The following NUFIP1 variants were observed in gnomAD, a reference collection of about 807,000 sequenced individuals.
NUFIP1 encodes FMR1-interacting protein NUFIP1.
A neutral mutation model predicts 56.2 loss-of-function variants in NUFIP1; 38 were observed. That is an observed-to-expected ratio of 0.68 (90% CI 0.52 to 0.89). The LOEUF (loss-of-function observed/expected upper bound fraction) is 0.89. Ranked by LOEUF, NUFIP1 falls within the 40% of genes least tolerant of loss-of-function variation. The pLI, the probability that NUFIP1 is intolerant of heterozygous loss-of-function variation, is 0.00. For missense variants in NUFIP1, 567 were observed against 605.8 expected, an observed-to-expected ratio of 0.94 and a Z score of 0.67; for synonymous variants, 215 against 212.4, an observed-to-expected ratio of 1.01 and a Z score of -0.10.
Position 44,940,663 on chromosome 13 carries a change from A to G in NUFIP1, c.*543T>C, listed in dbSNP as rs1870701139. 1 of 152,268 alleles carries G rather than the reference A, an allele frequency of 6.6e-6. No homozygotes were observed. The highest frequency in any genetic ancestry group is 1.5e-5 in the Non-Finnish European group (1 of 68,060). The allele number at this position is 152,268 out of a possible 1,614,324, so 9.4% of individuals were successfully genotyped here. A position where few individuals can be genotyped will look rare whatever the true frequency, so the allele number is the denominator to read the frequency against. On this transcript the variant is annotated 3_prime_UTR_variant, in exon 10 of 10. Transcript: ENST00000379161. ...ATTTTAAACATTCAATATTTGAGCT[A>G]TGTAAGTCGTGCTAGTAGGTGAATT... is the stretch of plus-strand genomic sequence containing the variant.
At chr13:44,979,111 G>A in intron 5 of NUFIP1, 79 bp downstream of exon 5, 2 of 1,121,184 alleles carry the variant, frequency 1.8e-6, no homozygotes, top group African/African-American at 1.6e-5. Context: ...ACATTCTAAG[G>A]GAATTCAATG....
At chr13:44,981,993 A>G (rs564440865) in intron 2 of NUFIP1, 79 bp downstream of exon 2, 1 of 671,676 alleles carries the variant, frequency 1.5e-6, no homozygotes, top group African/African-American at 1.8e-5. Context: ...AACACTGAAG[A>G]CAGTTATGAC....
At chr13:44,952,907 T>C (rs1006929591) in intron 7 of NUFIP1, among the ~76,000 whole-genome samples, 4 of 152,252 alleles carry the variant, frequency 2.6e-5, no homozygotes, top group Non-Finnish European at 5.9e-5. Flanking sequence ...ACTTGATACT[T>C]TGAAGATTAT....
chr13:44,958,176 G>A (rs1871307997), intron 7 of NUFIP1, among the ~76,000 whole-genome samples: 1 of 152,122 alleles, frequency 6.6e-6, no homozygotes, highest in South Asian at 2.1e-4. Flanking sequence ...GTGTACTGGT[G>A]GAGTGAGACT....
intron 6 of NUFIP1, among the ~76,000 whole-genome samples, chr13:44,964,351 CA>C (rs548306632): frequency 6.6e-6 from 1 of 152,130 alleles, no homozygotes; most frequent in East Asian, 1.9e-4. Context: ...CTGAAATAAC[CA>C]AAAAACTAGC....
rs1265742184 is a variant in NUFIP1, at chr13:44,949,699, TA to T, written c.1138+22del. On this transcript the variant is annotated intron_variant, in intron 8 of 9. Coordinates refer to ENST00000379161, the MANE Select transcript of NUFIP1 (RefSeq NM_012345.3). ...CAAAAAGCAACAAAACAAAACCCTG[TA>T]ACAACACACACCATGACTTACCTTC... 6 of 1,481,764 alleles carry T rather than the reference TA, an allele frequency of 4.0e-6. No homozygotes were observed. In the Admixed American group the frequency reaches 1.0e-4, roughly 25 times the overall value. 91.8% of individuals were successfully genotyped at this position (1,481,764 alleles called of 1,614,324 possible). A position where few individuals can be genotyped will look rare whatever the true frequency, so the allele number is the denominator to read the frequency against.
At chr13:44,973,568 A>G (rs924866103) in intron 5 of NUFIP1, among the ~76,000 whole-genome samples, 1 of 152,232 alleles carries the variant, frequency 6.6e-6, no homozygotes, top group Non-Finnish European at 1.5e-5. Flanking sequence ...GCAGCCAGGT[A>G]AAAGTTGGTT....
chr13:44,977,922 G>A (rs1240475953), intron 5 of NUFIP1, among the ~76,000 whole-genome samples: 9 of 152,098 alleles, frequency 5.9e-5, no homozygotes, highest in African/African-American at 2.2e-4. Context: ...GGGGGTGCAC[G>A]CCTGTTATCC....
chr13:44,983,603 C>T (rs1366175732), intron 1 of NUFIP1, among the ~76,000 whole-genome samples: 1 of 152,116 alleles, frequency 6.6e-6, no homozygotes, highest in Non-Finnish European at 1.5e-5. Flanking sequence ...TTGAGATCAG[C>T]CTGAGCAGCC....
chr13:44,958,884 G>T (rs545582243), intron 7 of NUFIP1, among the ~76,000 whole-genome samples: 1 of 152,250 alleles, frequency 6.6e-6, no homozygotes, highest in East Asian at 1.9e-4. Context: ...ATGTTTTAGA[G>T]GAAATTCAAG....
rs569402801 is a variant in NUFIP1, at chr13:44,989,413, G to A, written c.24C>T (p.Phe8=). The A allele has an allele frequency of 1.9e-6, 3 of 1,613,528 alleles. No individual in the cohort carries two copies. The Admixed American group carries it at 5.0e-5, about 27-fold the overall frequency. MAEPTSD[F]ETPIGWHASP... is the part of the protein sequence containing the mutation. The stretch of plus-strand genomic sequence containing the variant: ...ACGCATGCCACCCGATAGGAGTCTC[G>A]AAATCACTAGTCGGCTCAGCCATAC... Residue 8 remains phenylalanine, a synonymous_variant, in exon 1 of 10, where the codon TTC becomes TTT. Coordinates refer to ENST00000379161, the MANE Select transcript of NUFIP1 (RefSeq NM_012345.3).
At chr13:44,948,412 G>C (rs2137893428) in intron 8 of NUFIP1, among the ~76,000 whole-genome samples, 1 of 152,208 alleles carries the variant, frequency 6.6e-6, no homozygotes, top group African/African-American at 2.4e-5. Flanking sequence ...AAAGTGTTGG[G>C]ATTACAGATG....
intron 9 of NUFIP1, 101 bp downstream of exon 9, chr13:44,943,341 C>A (rs1168980615): frequency 1.0e-5 from 10 of 1,001,222 alleles, no homozygotes; most frequent in African/African-American, 1.7e-5. Flanking sequence ...TCTCTGGTAA[C>A]CTTAAAACAA....
intron 7 of NUFIP1, among the ~76,000 whole-genome samples, chr13:44,951,392 ATT>A (rs1871079653): frequency 6.6e-6 from 1 of 152,190 alleles, no homozygotes; most frequent in African/African-American, 2.4e-5. Flanking sequence ...AATCCAGAGA[ATT>A]TGAGTAACCT....
In NUFIP1 at chr13:44,949,775, C is replaced by A; in HGVS notation, c.1085G>T (p.Cys362Phe). ...VIPKEVTPAL[C>F]SLMSSYGSLS... The stretch of plus-strand genomic sequence containing the variant: ...ACTGCCATAGCTACTCATTAGTGAG[C>A]ATAGGGCTGGTGTCACTTCCTTGGG... Residue 362 changes from cysteine (C) to phenylalanine (F), a missense_variant, in exon 8 of 10, where the codon TGC becomes TTC. By Grantham distance (205) the Cys-to-Phe change is radical. Transcript: ENST00000379161. The A allele has an allele frequency of 3.1e-6, 5 of 1,614,062 alleles. No individual in the cohort carries two copies. Among genetic ancestry groups the A allele is most frequent in the Non-Finnish European group, 4.2e-6 (5 of 1,179,976 alleles).
At position 44,959,565 on chromosome 13, in the gene NUFIP1, C is replaced by T; in HGVS notation, c.837G>A (p.Lys279=). Residue 279 remains lysine (K), a synonymous_variant, in exon 7 of 10, where the codon AAG becomes AAA. Coordinates refer to ENST00000379161, the MANE Select transcript of NUFIP1 (RefSeq NM_012345.3). ...VLTTTQYGKM[K]GMSRHSQMAK... is the part of the protein sequence containing the mutation. The stretch of plus-strand genomic sequence containing the variant: ...CCATTTGTGAATGTCTGGACATCCC[C>T]TTCATCTTGCTGGAGTAAGAAAATT... 1.2e-6 allele frequency: 2 copies of T among 1,604,966 alleles called. No individual in the cohort carries two copies. Among genetic ancestry groups the T allele is most frequent in the Non-Finnish European group, 1.7e-6 (2 of 1,177,018 alleles).
intron 1 of NUFIP1, among the ~76,000 whole-genome samples, chr13:44,986,045 T>C (rs1413851931): frequency 1.3e-5 from 2 of 152,124 alleles, no homozygotes; most frequent in African/African-American, 4.8e-5. Flanking sequence ...AGCCTCAAAC[T>C]CCTGGGCTCA....
chr13:44,974,476 C>A (rs762937251), intron 5 of NUFIP1, among the ~76,000 whole-genome samples: 5 of 152,150 alleles, frequency 3.3e-5, no homozygotes, highest in Admixed American at 6.5e-5. Flanking sequence ...AGGAGTATGT[C>A]CAACTTTAGA....
chr13:44,980,826 A>T lies in NUFIP1; in HGVS notation c.496-6T>A, dbSNP rs755500649. The T allele has an allele frequency of 7.0e-6, 11 of 1,574,646 alleles. No individual in the cohort carries two copies. Among genetic ancestry groups the T allele is most frequent in the Non-Finnish European group, 9.5e-6 (11 of 1,161,248 alleles). On this transcript the variant is annotated splice_region_variant and splice_polypyrimidine_tract_variant and intron_variant, in intron 2 of 9. Transcript: ENST00000379161. ...AAAACTGGTTCCTTTCTTTTCTGCAAACAAAAACAGAGAGGAATTAGGCTT... is the reference window on the plus strand; with the variant it reads ...AAAACTGGTTCCTTTCTTTTCTGCATACAAAAACAGAGAGGAATTAGGCTT...
Sources: allele counts gnomAD v4.1 joint callset (sites outside exome capture counted in the v4.1 genomes callset), GRCh38; gene constraint gnomAD v4.1.1; transcripts MANE v1.5; gene names NCBI Gene and HGNC (gene_info 2026-07-23, HGNC 2026-07-21).